The following ACCSL variants were observed in gnomAD, a reference collection of about 807,000 sequenced individuals.
ACCSL encodes probable inactive 1-aminocyclopropane-1-carboxylate synthase-like protein 2.
ACCSL carries 55 observed loss-of-function variants against 61.7 expected under a neutral mutation model. The ratio of observed to expected loss-of-function variants is 0.89; its 90% CI spans 0.72 to 1.12. The LOEUF (loss-of-function observed/expected upper bound fraction) is 1.12. Among genes scored for constraint, ACCSL ranks in the 50% most tolerant of loss-of-function variants. ACCSL has a pLI of 0.00. For missense variants in ACCSL, 632 were observed against 698.0 expected (o/e 0.91, Z 1.07); for synonymous variants, 258 against 264.3 (o/e 0.98, Z 0.23).
the ACCSL span, among the ~76,000 whole-genome samples, chr11:44,004,163 AG>A: frequency 6.7e-6 from 1 of 148,544 alleles, no homozygotes; most frequent in African/African-American, 2.5e-5. Flanking sequence ...AACTGAGGCC[AG>A]GGGGCTCCCA....
intron 13 of ACCSL, 128 bp from the exon 14 acceptor site, chr11:44,059,709 TG>T: frequency 1.5e-6 from 1 of 645,584 alleles, no homozygotes; most frequent in Non-Finnish European, 2.7e-6. Flanking sequence ...ATCCCAAAGG[TG>T]GGAGGGCTGA....
At chr11:43,972,032 T>C in the ACCSL span, among the ~76,000 whole-genome samples, 5 of 152,222 alleles carry the variant, frequency 3.3e-5, no homozygotes, top group African/African-American at 7.2e-5. Context: ...GAAAACAGCA[T>C]GTCTACTTTT....
the ACCSL span, among the ~76,000 whole-genome samples, chr11:43,958,634 A>C: frequency 6.6e-6 from 1 of 152,212 alleles, no homozygotes; most frequent in Non-Finnish European, 1.5e-5. Flanking sequence ...TTACACATTC[A>C]GTCTATCGGA....
the ACCSL span, among the ~76,000 whole-genome samples, chr11:44,000,746 A>AAAGAAAGG: frequency 4.9e-4 from 74 of 152,026 alleles, no homozygotes; most frequent in Non-Finnish European, 9.1e-4. Context: ...AGAAAGAAAG[A>AAAGAAAGG]AAGAAAATTG....
At chr11:43,991,077 GAA>G in the ACCSL span, among the ~76,000 whole-genome samples, 6 of 138,850 alleles carry the variant, frequency 4.3e-5, no homozygotes, top group African/African-American at 1.6e-4. Flanking sequence ...TCTCAAAAAA[GAA>G]AAAAAAAAAA....
intron 13 of ACCSL, 37 bp from the exon 14 acceptor site, chr11:44,059,801 A>C (rs1184962819): frequency 1.3e-6 from 2 of 1,592,854 alleles, no homozygotes; most frequent in Non-Finnish European, 1.7e-6. Context: ...AACCTACTAA[A>C]TCACTATTTC....
rs748091293 is a variant in ACCSL at position 44,050,010 on chromosome 11, T to C, written c.505-52T>C. The C allele has an allele frequency of 4.3e-6, 7 of 1,612,198 alleles. No individual in the cohort carries two copies. The Admixed American group carries it at 6.7e-5, about 15-fold the overall frequency. On this transcript the variant is annotated intron_variant, in intron 1 of 13. Coordinates refer to ENST00000378832, the MANE Select transcript of ACCSL (RefSeq NM_001031854.2). ...TTGAACTAATGTTTCAAGGGATCTA[T>C]GTAGGGTGGAGCAAGAGGACTGACC...
chr11:44,004,607 G>A, the ACCSL span, among the ~76,000 whole-genome samples: 20 of 152,268 alleles, frequency 1.3e-4, no homozygotes, highest in African/African-American at 4.8e-4. Flanking sequence ...GATGGCTATC[G>A]GGAAAATGAG....
the ACCSL span, among the ~76,000 whole-genome samples, chr11:44,011,678 A>T: frequency 6.6e-6 from 1 of 152,234 alleles, no homozygotes; most frequent in African/African-American, 2.4e-5. Flanking sequence ...AACCAAAAAA[A>T]TGCTGAAGTG....
In ACCSL at chr11:44,055,275, AT is replaced by A. The variant is rs1204985591; in HGVS notation, c.1125del (p.Leu376Ter). Reference sequence around the variant, plus strand: ...TGATGAATCCATCACATTCCACAGCATTCTGAGCATGAAAAGGTGAGCTGGT... The same window carrying A: ...TGATGAATCCATCACATTCCACAGCATCTGAGCATGAAAAGGTGAGCTGGT... ...VFDESITFHSILSMKSLPDSN... is the reference protein window; with the variant it reads ...VFDESITFHSXLSMKSLPDSN... On this transcript the variant is annotated frameshift_variant, in exon 9 of 14. Coordinates refer to ENST00000378832, the MANE Select transcript of ACCSL (RefSeq NM_001031854.2). LOFTEE classifies it high-confidence loss of function. 3.1e-6 allele frequency: 5 copies of A among 1,612,694 alleles called. No individual in the cohort carries two copies. Among genetic ancestry groups the A allele is most frequent in the Non-Finnish European group, 3.4e-6 (4 of 1,178,994 alleles).
the ACCSL span, among the ~76,000 whole-genome samples, chr11:44,000,725 A>AACAGAAAGAAAG: frequency 6.8e-6 from 1 of 146,702 alleles, no homozygotes. Flanking sequence ...TCTGCCTCAA[A>AACAGAAAGAAAG]AAAGAAAGAA....
chr11:43,988,150 G>A, the ACCSL span, among the ~76,000 whole-genome samples: 39 of 152,252 alleles, frequency 2.6e-4, no homozygotes, highest in African/African-American at 9.1e-4. Context: ...TTTAGGGACA[G>A]TAGTTTACAA....
the ACCSL span, among the ~76,000 whole-genome samples, chr11:44,036,802 A>G: frequency 6.7e-6 from 1 of 148,264 alleles, no homozygotes; most frequent in Non-Finnish European, 1.5e-5. Context: ...AAAAAAAAAG[A>G]TTCCCAGGTT....
At chr11:43,951,759 G>A in the ACCSL span, among the ~76,000 whole-genome samples, 7 of 152,238 alleles carry the variant, frequency 4.6e-5, no homozygotes, top group African/African-American at 1.7e-4. Context: ...ATCCCACCCT[G>A]GGAGGCCGAG....
chr11:43,942,284 C>G, the ACCSL span: 1 of 167,648 alleles, frequency 6.0e-6, no homozygotes, highest in Middle Eastern at 5.1e-4. Flanking sequence ...GGAGGGGGAC[C>G]TGCGGCCCCG....
At chr11:43,965,586 T>G in the ACCSL span, among the ~76,000 whole-genome samples, 7 of 152,250 alleles carry the variant, frequency 4.6e-5, no homozygotes, top group East Asian at 1.3e-3. Flanking sequence ...TTTTAAAAAC[T>G]TTTTTTGCAG....
At chr11:43,946,636 C>G in the ACCSL span, among the ~76,000 whole-genome samples, 1 of 152,152 alleles carries the variant, frequency 6.6e-6, no homozygotes, top group Non-Finnish European at 1.5e-5. Flanking sequence ...CAGTATGCAT[C>G]GATCCACATC....
intron 9 of ACCSL, 37 bp from the exon 10 acceptor site, chr11:44,056,003 T>C (rs1952668812): frequency 1.2e-6 from 2 of 1,612,736 alleles, no homozygotes; most frequent in Non-Finnish European, 1.7e-6. Context: ...CAACTATTTC[T>C]CTATAACCTT....
the ACCSL span, chr11:43,924,967 T>C: frequency 1.8e-5 from 3 of 162,390 alleles, no homozygotes; most frequent in Admixed American, 1.8e-4. Flanking sequence ...GAATGTTTCC[T>C]CTGAAAACAT....
Sources: gnomAD v4.1 joint callset for allele counts (sites outside exome capture counted in the v4.1 genomes callset) on GRCh38, gnomAD v4.1.1 for gene constraint, MANE v1.5 for transcripts, NCBI Gene and HGNC (gene_info 2026-07-23, HGNC 2026-07-21) for gene names.